Variants in ANPEP observed in about 807,000 individuals in gnomAD.
The protein encoded by ANPEP is alanyl aminopeptidase, membrane, also known as aminopeptidase N.
ANPEP carries 70 observed loss-of-function variants against 114.6 expected under a neutral mutation model. That is an observed-to-expected ratio of 0.61 (90% CI 0.50 to 0.75). ANPEP has a LOEUF of 0.75. ANPEP is among the 30% of genes least tolerant of loss of function. ANPEP has a pLI of 0.00. For synonymous variants in ANPEP, 548 were observed against 522.3 expected, an observed-to-expected ratio of 1.05 and a Z score of -0.67; for missense variants, 1,184 against 1,259.5, an observed-to-expected ratio of 0.94 and a Z score of 0.91.
At chr15:89,792,923 T>G in intron 16 of ANPEP, 112 bp downstream of exon 16, 1 of 976,936 alleles carries the variant, frequency 1.0e-6, no homozygotes, top group Non-Finnish European at 1.6e-6. Flanking sequence ...TGGGGGTCTC[T>G]CCCTGCCTGG....
At chr15:89,797,269 A>G (rs1968745833) in intron 15 of ANPEP, among the ~76,000 whole-genome samples, 2 of 152,126 alleles carry the variant, frequency 1.3e-5, no homozygotes, top group South Asian at 4.1e-4. Context: ...TTAATTCCCC[A>G]TATTTCAAAT....
Position 89,785,246 on chromosome 15 carries a change from C to T in ANPEP, c.*103G>A, listed in dbSNP as rs945596937. The T allele has an allele frequency of 5.5e-6, 8 of 1,448,274 alleles. No individual in the cohort carries two copies. Among genetic ancestry groups the T allele is most frequent in the Non-Finnish European group, 7.6e-6 (8 of 1,049,130 alleles). 89.7% of individuals were successfully genotyped at this position (1,448,274 alleles called of 1,614,324 possible). On this transcript the variant is annotated 3_prime_UTR_variant, in exon 21 of 21. Coordinates refer to ENST00000300060, the MANE Select transcript of ANPEP (RefSeq NM_001150.3). ...GGAGACTTTGTCCTTGAGGGGAGGA[C>T]ACTGGTGCCTCGGGCTCCAGGAATG...
intron 15 of ANPEP, among the ~76,000 whole-genome samples, chr15:89,795,849 C>T (rs932647085): frequency 2.0e-5 from 3 of 152,200 alleles, no homozygotes; most frequent in African/African-American, 4.8e-5. Flanking sequence ...TAGAGGGAGG[C>T]ACCTCCAAGC....
rs572129400 is a variant in ANPEP at position 89,806,260 on chromosome 15, G to A, written c.324C>T (p.Thr108=). ...RGLYVFKGSS[T]VRFTCKEATD... is the part of the protein sequence containing the mutation. ...TGGCCTCCTTGCAGGTGAAACGGAC[G>A]GTGCTGGAGCCCTTAAAAACGTACA... The change falls in exon 2 of 21, where the codon ACC becomes ACT. Residue 108 remains threonine (T), a synonymous_variant. Coordinates refer to ENST00000300060, the MANE Select transcript of ANPEP (RefSeq NM_001150.3). This position sits in a 1 kb window ranked among gnomAD's most constrained non-coding sequence, Gnocchi z 5.7. 6.2e-5 allele frequency: 100 copies of A among 1,614,118 alleles called. No individual in the cohort carries two copies. The highest frequency in any genetic ancestry group is 1.6e-4 in the Middle Eastern group (1 of 6,062).
chr15:89,802,036 G>C (rs1894604283), intron 10 of ANPEP, among the ~76,000 whole-genome samples: 1 of 152,182 alleles, frequency 6.6e-6, no homozygotes, highest in South Asian at 2.1e-4. Context: ...ACTGGGGTGT[G>C]GGGCGGGACT....
At chr15:89,813,991 TG>T (rs201152904) in intron 1 of ANPEP, among the ~76,000 whole-genome samples, 2,606 of 111,390 alleles carry the variant, frequency 0.023, 91 homozygotes, top group Middle Eastern at 0.038. Context: ...ACCGCACTGC[TG>T]GGGGGGGGGG....
Position 89,801,238 on chromosome 15 carries a change from A to T in ANPEP, c.1743-51T>A, listed in dbSNP as rs543045517. 3.8e-6 allele frequency: 6 copies of T among 1,596,752 alleles called. No individual in the cohort carries two copies. In the Admixed American group the frequency reaches 8.3e-5, roughly 22 times the overall value. On this transcript the variant is annotated intron_variant, in intron 11 of 20. Coordinates refer to ENST00000300060, the MANE Select transcript of ANPEP (RefSeq NM_001150.3). Reference sequence around the variant, plus strand: ...GAGAGATGGCGGTGTGGTCACTGCCAGTGAGGAGCAGCTGCCCAGGCTCCC... The same window carrying T: ...GAGAGATGGCGGTGTGGTCACTGCCTGTGAGGAGCAGCTGCCCAGGCTCCC...
intron 12 of ANPEP, among the ~76,000 whole-genome samples, chr15:89,800,556 C>CGTTTTTTT (rs1555441428): frequency 8.0e-6 from 1 of 124,378 alleles, no homozygotes; most frequent in African/African-American, 3.2e-5. Flanking sequence ...GGATTCTCTC[C>CGTTTTTTT]TTTTTTTTTT....
intron 14 of ANPEP, 129 bp from the exon 15 acceptor site, chr15:89,797,851 G>A (rs758817459): frequency 4.6e-6 from 6 of 1,294,034 alleles, no homozygotes; most frequent in Non-Finnish European, 6.4e-6. Context: ...TGGAGCCGGA[G>A]GTCCCAGATT....
intron 1 of ANPEP, among the ~76,000 whole-genome samples, chr15:89,811,081 G>C (rs1212618367): frequency 6.6e-6 from 1 of 152,216 alleles, no homozygotes; most frequent in Non-Finnish European, 1.5e-5. Flanking sequence ...GGCAACACGT[G>C]CTTGTGGAAT....
intron 18 of ANPEP, 111 bp from the exon 19 acceptor site, chr15:89,791,204 G>T (rs949393920): frequency 7.8e-7 from 1 of 1,280,924 alleles, no homozygotes; most frequent in Middle Eastern, 2.5e-4. Flanking sequence ...CATCCCCTCG[G>T]CCTGCCAGGG....
At chr15:89,812,503 T>G (rs534321263) in intron 1 of ANPEP, among the ~76,000 whole-genome samples, 22 of 152,154 alleles carry the variant, frequency 1.4e-4, no homozygotes, top group African/African-American at 4.6e-4. Context: ...AAGGCCCCAA[T>G]GGGAAGTTGC....
chr15:89,804,891 C>A lies in ANPEP; in HGVS notation c.897+187G>T, dbSNP rs1254558343. The A allele has an allele frequency of 5.4e-6, 5 of 918,512 alleles. No homozygotes were observed. The African/African-American group carries it at 8.4e-5, about 15-fold the overall frequency. 56.9% of individuals were successfully genotyped at this position (918,512 alleles called of 1,614,324 possible). On this transcript the variant is annotated intron_variant, in intron 4 of 20. Coordinates refer to ENST00000300060, the MANE Select transcript of ANPEP (RefSeq NM_001150.3). ...AGGAACTCCCTTCATGAAGAGAAAC[C>A]ATTGTTTTCATTTTTCAGGTGCAGA...
chr15:89,808,737 C>T (rs1894768178), intron 1 of ANPEP, among the ~76,000 whole-genome samples: 1 of 152,186 alleles, frequency 6.6e-6, no homozygotes, highest in South Asian at 2.1e-4. Flanking sequence ...CAGCTCTGCT[C>T]CCTGAGGGCC....
intron 15 of ANPEP, chr15:89,793,337 G>C (rs1596162439): frequency 4.1e-6 from 2 of 484,616 alleles, no homozygotes; most frequent in Non-Finnish European, 7.3e-6. Context: ...TTAGTCAGTT[G>C]CAATATTCTT....
chr15:89,801,265 G>A, intron 11 of ANPEP, 78 bp from the exon 12 acceptor site: 2 of 1,568,750 alleles, frequency 1.3e-6, no homozygotes. Flanking sequence ...CAGGCTCCCA[G>A]CTTCTGCCCA....
intron 1 of ANPEP, among the ~76,000 whole-genome samples, chr15:89,813,903 C>G (rs1382642675): frequency 6.7e-6 from 1 of 149,230 alleles, no homozygotes; most frequent in Admixed American, 6.6e-5. Flanking sequence ...GGGTTGCAGT[C>G]CAGGGGCTGA....
intron 11 of ANPEP, 115 bp from the exon 12 acceptor site, chr15:89,801,302 C>G: frequency 6.5e-7 from 1 of 1,544,904 alleles, no homozygotes; most frequent in Non-Finnish European, 8.9e-7. Context: ...CCCCTGAACT[C>G]CTGGCTCTGG....
chr15:89,797,090 C>G (rs1285907766), intron 15 of ANPEP, among the ~76,000 whole-genome samples: 1 of 151,876 alleles, frequency 6.6e-6, no homozygotes, highest in Non-Finnish European at 1.5e-5. Flanking sequence ...GCAGCCAATA[C>G]CCACATCTCT....
Sources: gnomAD v4.1 joint callset for allele counts (sites outside exome capture counted in the v4.1 genomes callset) on GRCh38, gnomAD v4.1.1 for gene constraint, Gnocchi (gnomAD v3.1) non-coding constraint, MANE v1.5 for transcripts, NCBI Gene and HGNC (gene_info 2026-07-23, HGNC 2026-07-21) for gene names.